The following TEX2 variants were observed in gnomAD, a reference collection of about 807,000 sequenced individuals.
TEX2 encodes the protein testis-expressed protein 2.
A neutral mutation model predicts 106.9 loss-of-function variants in TEX2; 53 were observed. That is an observed-to-expected ratio of 0.50 (90% CI 0.40 to 0.62). The LOEUF is 0.62. Among genes scored for constraint, TEX2 ranks in the 20% least tolerant of loss-of-function variants. The pLI, the probability that TEX2 is intolerant of heterozygous loss-of-function variation, is 0.00. For synonymous variants in TEX2, 523 were observed against 534.8 expected (o/e 0.98, Z 0.30); for missense variants, 1,207 against 1,379.0 (o/e 0.88, Z 1.98).
At position 64,195,179 on chromosome 17, in the gene TEX2, G is replaced by A; in HGVS notation, c.1645-84C>T. The A allele has an allele frequency of 1.5e-6, 2 of 1,348,258 alleles. No homozygotes were observed. The highest frequency in any genetic ancestry group is 2.1e-6 in the Non-Finnish European group (2 of 960,182). The allele number at this position is 1,348,258 out of a possible 1,614,324, so 83.5% of individuals were successfully genotyped here. Reference sequence around the variant, plus strand: ...GAAATGATGAACACTGTGGTATTTGGGACACTGAAACCAAACTTGATCACG... The same window carrying A: ...GAAATGATGAACACTGTGGTATTTGAGACACTGAAACCAAACTTGATCACG... On this transcript the variant is annotated intron_variant, in intron 2 of 11. Coordinates refer to ENST00000584379, the MANE Select transcript of TEX2 (RefSeq NM_001288732.2). This position sits in a 1 kb window ranked among gnomAD's most constrained non-coding sequence, Gnocchi z 4.1.
intron 1 of TEX2, among the ~76,000 whole-genome samples, chr17:64,227,282 T>C (rs1555634012): frequency 6.7e-6 from 1 of 149,426 alleles, no homozygotes; most frequent in Non-Finnish European, 1.5e-5. Context: ...CTAGAATAAG[T>C]AATGAAAACT....
chr17:64,258,625 C>CA (rs1468333622), intron 1 of TEX2, among the ~76,000 whole-genome samples: 2 of 152,176 alleles, frequency 1.3e-5, no homozygotes, highest in South Asian at 2.1e-4. Flanking sequence ...CCTGAGACTT[C>CA]AAAAGTCCTG....
Position 64,195,463 on chromosome 17 carries a change from G to C in TEX2, c.1645-368C>G, listed in dbSNP as rs2032438657. Among the ~76,000 whole-genome samples, 2 of 152,106 alleles carry C rather than the reference G, an allele frequency of 1.3e-5. No homozygotes were observed. Among genetic ancestry groups the C allele is most frequent in the African/African-American group, 2.4e-5 (1 of 41,410 alleles). On this transcript the variant is annotated intron_variant, in intron 2 of 11. Transcript: ENST00000584379. The surrounding 1 kb of genome is among the most constrained non-coding windows in gnomAD (Gnocchi z 4.1). ...GGGGTGATTAATCCCACCCAGTCTG[G>C]CCTTCTTAATTAGCTAAACACATGC...
intron 1 of TEX2, among the ~76,000 whole-genome samples, chr17:64,235,786 A>C (rs1242520619): frequency 2.0e-5 from 3 of 152,190 alleles, no homozygotes; most frequent in Non-Finnish European, 2.9e-5. Context: ...TTCTACTACA[A>C]GTACTAAAAT....
At chr17:64,159,184 G>A (rs1482138445) in intron 8 of TEX2, among the ~76,000 whole-genome samples, 2 of 152,088 alleles carry the variant, frequency 1.3e-5, no homozygotes, top group Non-Finnish European at 2.9e-5. Flanking sequence ...TGCCACCCCC[G>A]GTGCCCAAGA....
intron 4 of TEX2, among the ~76,000 whole-genome samples, chr17:64,192,107 C>G (rs1173289361): frequency 6.6e-6 from 1 of 152,184 alleles, no homozygotes; most frequent in African/African-American, 2.4e-5. Flanking sequence ...AGGTTTAGAC[C>G]TACCAGGAGA....
chr17:64,167,349 A>ACACTATGG (rs1252351225), intron 7 of TEX2, among the ~76,000 whole-genome samples: 5 of 152,200 alleles, frequency 3.3e-5, no homozygotes, highest in African/African-American at 4.8e-5. Context: ...GGTCAACTGG[A>ACACTATGG]CACTATGGCC....
intron 1 of TEX2, among the ~76,000 whole-genome samples, chr17:64,225,099 T>G (rs573598937): frequency 3.6e-4 from 53 of 148,294 alleles, no homozygotes; most frequent in Non-Finnish European, 6.3e-4. Flanking sequence ...GGGAATAACT[T>G]TTTTTTTTTT....
chr17:64,187,119 G>A (rs1011658064), intron 5 of TEX2, among the ~76,000 whole-genome samples: 11 of 152,182 alleles, frequency 7.2e-5, no homozygotes, highest in African/African-American at 2.7e-4. Flanking sequence ...GACTGTTCAA[G>A]AGAGCAGAGT....
intron 8 of TEX2, among the ~76,000 whole-genome samples, chr17:64,159,139 G>A (rs1277807885): frequency 6.6e-6 from 1 of 152,160 alleles, no homozygotes; most frequent in African/African-American, 2.4e-5. Flanking sequence ...GAATGTGGAC[G>A]CATACGTGGC....
chr17:64,231,183 G>C (rs1598209997), intron 1 of TEX2, among the ~76,000 whole-genome samples: 1 of 152,166 alleles, frequency 6.6e-6, no homozygotes, highest in East Asian at 1.9e-4. Context: ...CCCACCTACT[G>C]CCAAACAGTA....
chr17:64,247,176 G>A (rs2034004315), intron 1 of TEX2, among the ~76,000 whole-genome samples: 1 of 151,894 alleles, frequency 6.6e-6, no homozygotes, highest in Non-Finnish European at 1.5e-5. Context: ...GGCTGAGGCA[G>A]GATAATCGCT....
intron 10 of TEX2, among the ~76,000 whole-genome samples, chr17:64,151,676 T>C (rs1168686195): frequency 6.6e-6 from 1 of 152,244 alleles, no homozygotes; most frequent in Non-Finnish European, 1.5e-5. Context: ...CTTATCTTTA[T>C]GGATCAATAA....
intron 1 of TEX2, chr17:64,256,236 C>T (rs2143512359): frequency 6.6e-6 from 1 of 152,400 alleles, no homozygotes; most frequent in Middle Eastern, 3.4e-3. Flanking sequence ...CCCTGAGAGT[C>T]AGCAAACCCT....
At chr17:64,198,306 C>T (rs957237555) in intron 2 of TEX2, among the ~76,000 whole-genome samples, 1 of 151,064 alleles carries the variant, frequency 6.6e-6, no homozygotes, top group Non-Finnish European at 1.5e-5. Context: ...TACTGTCTTA[C>T]ATATATAACA....
chr17:64,194,653 T>C (rs1336408266), intron 3 of TEX2, among the ~76,000 whole-genome samples: 1 of 152,166 alleles, frequency 6.6e-6, no homozygotes, highest in African/African-American at 2.4e-5. Flanking sequence ...CTGAGTATCA[T>C]CTGGGAGCTC....
At chr17:64,196,276 G>C (rs1270142044) in intron 2 of TEX2, among the ~76,000 whole-genome samples, 1 of 152,182 alleles carries the variant, frequency 6.6e-6, no homozygotes, top group Non-Finnish European at 1.5e-5. Flanking sequence ...CAAAAGAGTA[G>C]AGAATTAGGT....
chr17:64,158,962 G>C (rs2030759385), intron 8 of TEX2, among the ~76,000 whole-genome samples: 1 of 152,180 alleles, frequency 6.6e-6, no homozygotes, highest in Non-Finnish European at 1.5e-5. Context: ...GAAAAAAATA[G>C]TACTTTAGAA....
intron 1 of TEX2, among the ~76,000 whole-genome samples, chr17:64,218,428 TTTTTTTTA>T (rs1555632900): frequency 1.3e-5 from 1 of 79,698 alleles, no homozygotes; most frequent in Non-Finnish European, 2.8e-5. Context: ...TTTTTTTTTT[TTTTTTTTA>T]AAGACAGAGT....
Sources: gnomAD v4.1 joint callset for allele counts (sites outside exome capture counted in the v4.1 genomes callset) on GRCh38, gnomAD v4.1.1 for gene constraint, Gnocchi (gnomAD v3.1) non-coding constraint, MANE v1.5 for transcripts, NCBI Gene and HGNC (gene_info 2026-07-23, HGNC 2026-07-21) for gene names.